NECAB2: variants seen among roughly 807,000 people sequenced by gnomAD.
The protein encoded by NECAB2 is N-terminal EF-hand calcium binding protein 2.
Under a neutral mutation model 51.9 loss-of-function variants are expected in NECAB2, and 68 were observed. The ratio of observed to expected loss-of-function variants is 1.31; its 90% CI spans 1.08 to 1.60. The LOEUF is 1.60. NECAB2 is among the 40% of genes most tolerant of loss of function. The pLI is 0.00. For missense variants in NECAB2, 854 were observed against 490.3 expected (o/e 1.74, Z -7.00); for synonymous variants, 329 against 203.5 (o/e 1.62, Z -5.25).
rs373703365 is a variant in NECAB2, at chr16:83,999,038, A to G, written c.962+721A>G. ...CTTCCCAGGGCTTTCTTCCATCCCCAGAGCACACACTCATTCACCCCATTG... is the reference window on the plus strand; with the variant it reads ...CTTCCCAGGGCTTTCTTCCATCCCCGGAGCACACACTCATTCACCCCATTG... On this transcript the variant is annotated intron_variant, in intron 10 of 12. Transcript: ENST00000305202. Among the ~76,000 whole-genome samples, 5 of 152,218 alleles carry G rather than the reference A, an allele frequency of 3.3e-5. No individual in the cohort carries two copies. The East Asian group carries it at 9.7e-4, about 29-fold the overall frequency.
chr16:83,993,880 C>T (rs969477796), intron 6 of NECAB2, among the ~76,000 whole-genome samples: 2 of 152,052 alleles, frequency 1.3e-5, no homozygotes, highest in Admixed American at 6.6e-5. Context: ...GAAACCAGGT[C>T]CCCCACCCCA....
chr16:83,985,403 G>C (rs1268117087), intron 5 of NECAB2, among the ~76,000 whole-genome samples: 1 of 150,110 alleles, frequency 6.7e-6, no homozygotes, highest in Non-Finnish European at 1.5e-5. Flanking sequence ...GGGAGGCCGA[G>C]GCAGATAGAT....
intron 5 of NECAB2, among the ~76,000 whole-genome samples, chr16:83,989,392 C>A (rs1311685235): frequency 2.0e-5 from 3 of 152,236 alleles, no homozygotes; most frequent in African/African-American, 7.2e-5. Context: ...CCTCCTCCTC[C>A]TCTGTTTCTC....
intron 11 of NECAB2, 77 bp downstream of exon 11, chr16:84,000,878 C>CTTGGAGGGGAGGGTAAGGCCGA (rs1256244342): frequency 3.9e-5 from 56 of 1,447,286 alleles, no homozygotes; most frequent in African/African-American, 5.6e-5. Flanking sequence ...GCCAGGCATC[C>CTTGGAGGGGAGGGTAAGGCCGA]TTGGAGGGGA....
chr16:83,975,489 G>A (rs569230734), intron 2 of NECAB2, among the ~76,000 whole-genome samples: 93 of 152,236 alleles, frequency 6.1e-4, no homozygotes, highest in African/African-American at 1.6e-3. Context: ...TCAGGGGAGC[G>A]GGAGATGGGG....
chr16:83,996,507 C>G (rs996687811), intron 8 of NECAB2, among the ~76,000 whole-genome samples: 2 of 152,276 alleles, frequency 1.3e-5, no homozygotes, highest in East Asian at 3.9e-4. Flanking sequence ...CGTAGATGGT[C>G]TGTCCTCATG....
intron 2 of NECAB2, among the ~76,000 whole-genome samples, 164 bp downstream of exon 2, chr16:83,972,339 C>T (rs1567662965): frequency 6.6e-6 from 1 of 152,238 alleles, no homozygotes; most frequent in Non-Finnish European, 1.5e-5. Flanking sequence ...TGTGCCTTGA[C>T]CTCCCTGTCT....
rs1567675449 is a variant in NECAB2, at chr16:83,994,324, C to T, written c.619C>T (p.His207Tyr). 5 of 1,614,200 alleles carry T rather than the reference C, an allele frequency of 3.1e-6. No homozygotes were observed. The highest frequency in any genetic ancestry group is 4.2e-6 in the Non-Finnish European group (5 of 1,180,040). The part of the protein sequence containing the change: ...QLRQNHIKPS[H>Y]SAAQTWCGSP... ...CAGACAGAACCACATCAAACCCAGC[C>T]ACAGCGCGGCACAGACCTGGTGTGG... Residue 207 changes from histidine (H) to tyrosine (Y), a missense_variant, in exon 7 of 13, where the codon CAC becomes TAC. By Grantham distance (83) the His-to-Tyr change is moderately conservative. Coordinates refer to ENST00000305202, the MANE Select transcript of NECAB2 (RefSeq NM_019065.3).
At chr16:83,976,570 A>C (rs896967206) in intron 2 of NECAB2, among the ~76,000 whole-genome samples, 1 of 152,068 alleles carries the variant, frequency 6.6e-6, no homozygotes, top group African/African-American at 2.4e-5. Flanking sequence ...CTCGTGGCTG[A>C]CTTTGCGGAC....
At chr16:83,990,044 C>T (rs956095147) in intron 5 of NECAB2, among the ~76,000 whole-genome samples, 2 of 152,204 alleles carry the variant, frequency 1.3e-5, no homozygotes. Context: ...GTGGATTCTT[C>T]TTGCCTGATC....
At position 84,002,520 on chromosome 16, in the gene NECAB2, G is replaced by A; in HGVS notation, c.*174G>A. 3 of 813,384 alleles carry A rather than the reference G, an allele frequency of 3.7e-6. No homozygotes were observed. Among genetic ancestry groups the A allele is most frequent in the South Asian group, 1.6e-5 (1 of 62,106 alleles). 50.4% of individuals were successfully genotyped at this position (813,384 alleles called of 1,614,324 possible). ...GGCCGCCCCTGCCCCCACCTGAGAAGGCAGAGCAGTGTCTGTGCTGCCAGG... is the reference window on the plus strand; with the variant it reads ...GGCCGCCCCTGCCCCCACCTGAGAAAGCAGAGCAGTGTCTGTGCTGCCAGG... On this transcript the variant is annotated 3_prime_UTR_variant, in exon 13 of 13. Coordinates refer to ENST00000305202, the MANE Select transcript of NECAB2 (RefSeq NM_019065.3).
At position 83,972,133 on chromosome 16, in the gene NECAB2, C is replaced by T. The variant is rs758370972; in HGVS notation, c.202-18C>T. 1.2e-5 allele frequency: 20 copies of T among 1,612,994 alleles called. No individual in the cohort carries two copies. Among genetic ancestry groups the T allele is most frequent in the Admixed American group, 1.7e-5 (1 of 60,010 alleles). On this transcript the variant is annotated intron_variant, in intron 1 of 12. Coordinates refer to ENST00000305202, the MANE Select transcript of NECAB2 (RefSeq NM_019065.3). Reference sequence around the variant, plus strand: ...CCTCTCCCTGGCCCAGGGCTGACTCCGCCTCTCTTTTCTGCAGATTTTCCG... The same window carrying T: ...CCTCTCCCTGGCCCAGGGCTGACTCTGCCTCTCTTTTCTGCAGATTTTCCG...
intron 12 of NECAB2, 42 bp downstream of exon 12, chr16:84,001,958 G>T: frequency 3.1e-6 from 5 of 1,594,266 alleles, no homozygotes; most frequent in Non-Finnish European, 4.3e-6. Context: ...CACCTGACTG[G>T]AGAGAAGGGC....
At position 84,001,891 on chromosome 16, in the gene NECAB2, G is replaced by C. The variant is rs756838077; in HGVS notation, c.1107G>C (p.Glu369Asp). ...HVKVDTLSQP[E>D]ALSRILVPAA... ...AGGTGGACACACTGAGCCAGCCTGA[G>C]GCCCTCTCCAGGATCTTGGTGCCAG... Residue 369 changes from glutamate to aspartate, a missense_variant, in exon 12 of 13, where the codon GAG (glutamate) becomes GAC (aspartate). Physicochemically the swap from Glu to Asp is conservative, Grantham distance 45. Coordinates refer to ENST00000305202, the MANE Select transcript of NECAB2 (RefSeq NM_019065.3). The C allele has an allele frequency of 8.7e-6, 14 of 1,614,048 alleles. No individual in the cohort carries two copies. Among genetic ancestry groups the C allele is most frequent in the Non-Finnish European group, 1.0e-5 (12 of 1,179,924 alleles).
chr16:83,975,339 G>GGAACAGGTGTGCAGGGATGA (rs2084397041), intron 2 of NECAB2, among the ~76,000 whole-genome samples: 1 of 147,280 alleles, frequency 6.8e-6, no homozygotes, highest in South Asian at 2.2e-4. Context: ...TGCGGGGATG[G>GGAACAGGTGTGCAGGGATGA]GAACAGGTGT....
intron 5 of NECAB2, among the ~76,000 whole-genome samples, chr16:83,986,395 A>G (rs184892921): frequency 6.6e-6 from 1 of 152,364 alleles, no homozygotes; most frequent in Admixed American, 6.5e-5. Flanking sequence ...GAACTTGTGC[A>G]CTAATACATA....
At chr16:83,983,606 G>A (rs941432734) in intron 5 of NECAB2, among the ~76,000 whole-genome samples, 1 of 152,022 alleles carries the variant, frequency 6.6e-6, no homozygotes, top group African/African-American at 2.4e-5. Flanking sequence ...TTTCCCCTAA[G>A]CTATTGATGG....
At chr16:83,992,165 G>T (rs1472775567) in intron 6 of NECAB2, among the ~76,000 whole-genome samples, 1 of 151,938 alleles carries the variant, frequency 6.6e-6, no homozygotes, top group Non-Finnish European at 1.5e-5. Context: ...AGCAAGTTGA[G>T]AGTTTCTCAG....
chr16:83,997,404 C>T (rs2084724483), intron 9 of NECAB2, 135 bp downstream of exon 9: 4 of 1,076,596 alleles, frequency 3.7e-6, no homozygotes, highest in African/African-American at 1.6e-5. Flanking sequence ...TCGCCCAGCG[C>T]TTGGCACCCA....
Sources: allele counts gnomAD v4.1 joint callset (sites outside exome capture counted in the v4.1 genomes callset), GRCh38; gene constraint gnomAD v4.1.1; transcripts MANE v1.5; gene names NCBI Gene and HGNC (gene_info 2026-07-23, HGNC 2026-07-21).